Variants in FGF14 observed in about 807,000 individuals in gnomAD.
FGF14 encodes fibroblast growth factor 14, also known as fibroblast growth factor homologous factor 4.
FGF14 carries 5 observed loss-of-function variants against 25.5 expected under a neutral mutation model. The ratio of observed to expected loss-of-function variants is 0.20; its 90% CI spans 0.10 to 0.41. The LOEUF is 0.41. FGF14 is among the 10% of genes least tolerant of loss of function. FGF14 has a pLI of 1.00. For synonymous variants in FGF14, 138 were observed against 118.3 expected (o/e 1.17, Z -1.08); for missense variants, 222 against 320.1 (o/e 0.69, Z 2.34).
intron 3 of FGF14, among the ~76,000 whole-genome samples, chr13:101,827,924 TA>T (rs772144858): frequency 0.015 from 1,730 of 116,352 alleles, 20 homozygotes; most frequent in African/African-American, 0.041. Context: ...GGCTAATTTC[TA>T]AAAAAAAAAA....
intron 1 of FGF14, among the ~76,000 whole-genome samples, chr13:102,212,856 T>C (rs2050216818): frequency 6.6e-6 from 1 of 152,150 alleles, no homozygotes; most frequent in African/African-American, 2.4e-5. Context: ...CTTTGCTCCG[T>C]AGGAGTCTAT....
chr13:102,145,317 AG>A (rs2046810497), intron 1 of FGF14, among the ~76,000 whole-genome samples: 1 of 152,136 alleles, frequency 6.6e-6, no homozygotes, highest in African/African-American at 2.4e-5. Flanking sequence ...CTAGAAAAGG[AG>A]GGTGTTTTGG....
At chr13:101,936,380 C>T (rs935156517) in intron 1 of FGF14, among the ~76,000 whole-genome samples, 2 of 152,194 alleles carry the variant, frequency 1.3e-5, no homozygotes, top group African/African-American at 2.4e-5. Context: ...AAGTCCATAC[C>T]TTAGGCCACG....
intron 1 of FGF14, among the ~76,000 whole-genome samples, chr13:102,273,850 A>G (rs1050530940): frequency 3.3e-5 from 5 of 151,346 alleles, no homozygotes; most frequent in African/African-American, 1.2e-4. Flanking sequence ...GAGGTGGGAG[A>G]ATTGCTTGAG....
At chr13:101,879,595 G>T (rs2045585876) in intron 1 of FGF14, among the ~76,000 whole-genome samples, 1 of 152,126 alleles carries the variant, frequency 6.6e-6, no homozygotes, top group Admixed American at 6.5e-5. Flanking sequence ...TTTAAATTAT[G>T]ATTTAAATGG....
intron 3 of FGF14, among the ~76,000 whole-genome samples, chr13:101,812,611 CTATATATATATATATATA>C (rs35878751): frequency 0.065 from 802 of 12,362 alleles, 58 homozygotes; most frequent in East Asian, 0.22. Flanking sequence ...ATTTTTAAAA[CTATATATATATATATATA>C]TATATATATA....
chr13:102,342,043 G>C (rs2056967752), intron 1 of FGF14, among the ~76,000 whole-genome samples: 1 of 152,110 alleles, frequency 6.6e-6, no homozygotes, highest in Admixed American at 6.6e-5. Context: ...CGCAATCAAA[G>C]TTTCTGTTGA....
intron 1 of FGF14, among the ~76,000 whole-genome samples, chr13:102,260,496 G>A (rs573269135): frequency 2.0e-5 from 3 of 152,360 alleles, no homozygotes; most frequent in African/African-American, 7.2e-5. Flanking sequence ...TCCATGGGGA[G>A]TATCGGAAAT....
chr13:102,299,021 C>T (rs2138544162), intron 1 of FGF14, among the ~76,000 whole-genome samples: 1 of 152,220 alleles, frequency 6.6e-6, no homozygotes, highest in Non-Finnish European at 1.5e-5. Context: ...ATCACTAAGA[C>T]ATACTTTACC....
In FGF14 at chr13:101,714,359, A is replaced by T. The variant is rs2034618750; in HGVS notation, c.*8472T>A. 9 of 835,548 alleles carry T rather than the reference A, an allele frequency of 1.1e-5. No individual in the cohort carries two copies. Among genetic ancestry groups the T allele is most frequent in the Non-Finnish European group, 1.9e-5 (9 of 478,006 alleles). 51.8% of individuals were successfully genotyped at this position (835,548 alleles called of 1,614,324 possible). A position where few individuals can be genotyped will look rare whatever the true frequency, so the allele number is the denominator to read the frequency against. ...GATGGGTTATTAGAAGCCTGTTGTC[A>T]GTGTGTCAACGATATTCTATTCGAG... On this transcript the variant is annotated 3_prime_UTR_variant, in exon 5 of 5. Transcript: ENST00000376143.
At chr13:102,361,614 T>C (rs1357637138) in intron 1 of FGF14, among the ~76,000 whole-genome samples, 1 of 151,038 alleles carries the variant, frequency 6.6e-6, no homozygotes, top group African/African-American at 2.4e-5. Context: ...ACTCCCTCCT[T>C]ATTTGCCTTC....
chr13:102,273,220 C>T (rs551790399), intron 1 of FGF14, among the ~76,000 whole-genome samples: 2 of 152,140 alleles, frequency 1.3e-5, no homozygotes, highest in African/African-American at 4.8e-5. Flanking sequence ...TGGACAGGGA[C>T]ACTAAAAAAT....
intron 1 of FGF14, among the ~76,000 whole-genome samples, chr13:102,301,952 T>C (rs900172308): frequency 1.3e-5 from 2 of 151,876 alleles, no homozygotes; most frequent in Admixed American, 1.3e-4. Context: ...CACCACCATA[T>C]CTGACAGCCA....
At chr13:101,740,150 G>T (rs1219403011) in intron 3 of FGF14, among the ~76,000 whole-genome samples, 2 of 152,180 alleles carry the variant, frequency 1.3e-5, no homozygotes, top group African/African-American at 4.8e-5. Flanking sequence ...TTTGCAATCG[G>T]GGAGCTCAGA....
At chr13:102,307,995 A>G (rs532176274) in intron 1 of FGF14, among the ~76,000 whole-genome samples, 1 of 152,296 alleles carries the variant, frequency 6.6e-6, no homozygotes. Flanking sequence ...CACAATGAAC[A>G]AATAGTGCTG....
At chr13:102,286,403 C>T (rs1298930552) in intron 1 of FGF14, among the ~76,000 whole-genome samples, 1 of 152,108 alleles carries the variant, frequency 6.6e-6, no homozygotes. Flanking sequence ...ATAGCTACAG[C>T]ATTTGTCATC....
intron 1 of FGF14, among the ~76,000 whole-genome samples, chr13:102,101,629 T>C (rs1189646680): frequency 6.6e-6 from 1 of 152,282 alleles, no homozygotes; most frequent in East Asian, 1.9e-4. Flanking sequence ...TCTAAAAACT[T>C]GTAGAGAAGA....
chr13:102,134,827 T>C (rs1352369283), intron 1 of FGF14, among the ~76,000 whole-genome samples: 2 of 152,356 alleles, frequency 1.3e-5, no homozygotes, highest in African/African-American at 4.8e-5. Context: ...TACAAATGTT[T>C]CCTGGTCCCT....
chr13:101,729,338 T>C (rs1295597828), intron 3 of FGF14, among the ~76,000 whole-genome samples: 1 of 152,164 alleles, frequency 6.6e-6, no homozygotes, highest in Non-Finnish European at 1.5e-5. Context: ...TCCTCCAATA[T>C]TGAAGTCTCA....
Sources: allele counts gnomAD v4.1 joint callset (sites outside exome capture counted in the v4.1 genomes callset), GRCh38; gene constraint gnomAD v4.1.1; transcripts MANE v1.5; gene names NCBI Gene and HGNC (gene_info 2026-07-23, HGNC 2026-07-21).